The following RBFOX1 variants were observed in gnomAD, a reference collection of about 807,000 sequenced individuals.
RBFOX1 encodes RNA binding fox-1 homolog 1, also known as RNA binding protein fox-1 homolog 1.
A neutral mutation model predicts 57.7 loss-of-function variants in RBFOX1; 8 were observed. That is an observed-to-expected ratio of 0.14 (90% CI 0.08 to 0.25). RBFOX1 has a LOEUF of 0.25. Among genes scored for constraint, RBFOX1 ranks in the 10% least tolerant of loss-of-function variants. RBFOX1 has a pLI of 1.00. For missense variants in RBFOX1, 611 were observed against 548.5 expected, an observed-to-expected ratio of 1.11 and a Z score of -1.14; for synonymous variants, 326 against 222.4, an observed-to-expected ratio of 1.47 and a Z score of -4.15.
At chr16:7,646,756 A>G (rs2063815896) in intron 11 of RBFOX1, among the ~76,000 whole-genome samples, 1 of 152,222 alleles carries the variant, frequency 6.6e-6, no homozygotes, top group Non-Finnish European at 1.5e-5. Flanking sequence ...AAACTTTAAT[A>G]TGCAGTTTAT....
At chr16:7,282,395 A>C (rs904589129) in intron 4 of RBFOX1, among the ~76,000 whole-genome samples, 1 of 152,194 alleles carries the variant, frequency 6.6e-6, no homozygotes, top group African/African-American at 2.4e-5. Context: ...ACCCTGTATG[A>C]AGATATCTCA....
chr16:5,439,967 C>T (rs1410475722), intron 1 of RBFOX1, among the ~76,000 whole-genome samples: 1 of 152,122 alleles, frequency 6.6e-6, no homozygotes, highest in Admixed American at 6.5e-5. Flanking sequence ...CTTTATGCAG[C>T]TCAGGATAAA....
intron 5 of RBFOX1, among the ~76,000 whole-genome samples, chr16:7,521,043 G>A (rs2077409273): frequency 6.6e-6 from 1 of 152,166 alleles, no homozygotes; most frequent in East Asian, 1.9e-4. Context: ...ATGTCTTAAG[G>A]AAAATATGGG....
chr16:7,191,382 C>T (rs964352531), intron 4 of RBFOX1, among the ~76,000 whole-genome samples: 2 of 151,224 alleles, frequency 1.3e-5, no homozygotes, highest in African/African-American at 4.9e-5. Context: ...TTCCTGGATG[C>T]TTTACAATAC....
intron 4 of RBFOX1, among the ~76,000 whole-genome samples, chr16:7,264,876 A>G (rs10852682): frequency 0.21 from 31,899 of 152,152 alleles, 3,992 homozygotes; most frequent in African/African-American, 0.33. Flanking sequence ...ATACATGACT[A>G]TTTGAGACAT....
Position 5,324,638 on chromosome 16 carries a change from G to A in RBFOX1, c.219+84533G>A, listed in dbSNP as rs75143269. Among the ~76,000 whole-genome samples, 54 of 152,264 alleles carry A rather than the reference G, an allele frequency of 3.5e-4. No homozygotes were observed. In the East Asian group the frequency reaches 6.6e-3, roughly 18 times the overall value. ...AATGTTACGCAGCCATACAAAGAAC[G>A]AAATCATGTCCTTTGCAGGAACATA... On this transcript the variant is annotated intron_variant, in intron 1 of 2. Coordinates refer to the RBFOX1 transcript ENST00000585867.
chr16:6,827,824 C>G (rs968949988), intron 3 of RBFOX1, among the ~76,000 whole-genome samples: 2 of 152,236 alleles, frequency 1.3e-5, no homozygotes, highest in Non-Finnish European at 2.9e-5. Flanking sequence ...GCAGGAATGC[C>G]TGCCTTGAAA....
intron 3 of RBFOX1, among the ~76,000 whole-genome samples, chr16:5,649,370 A>G (rs1403147624): frequency 1.3e-5 from 2 of 152,042 alleles, no homozygotes; most frequent in African/African-American, 4.8e-5. Flanking sequence ...GGGTTTCGCC[A>G]TGTTGGCCAG....
intron 1 of RBFOX1, among the ~76,000 whole-genome samples, chr16:5,394,979 T>C (rs960481879): frequency 1.3e-5 from 2 of 152,216 alleles, no homozygotes; most frequent in African/African-American, 2.4e-5. Flanking sequence ...GGTGTTGCCC[T>C]CTGGCCTGTA....
At chr16:5,586,929 T>C (rs1442187967) in intron 2 of RBFOX1, among the ~76,000 whole-genome samples, 4 of 152,186 alleles carry the variant, frequency 2.6e-5, no homozygotes, top group Non-Finnish European at 5.9e-5. Flanking sequence ...ACTTAGCAGG[T>C]TCTTAAATGT....
rs935914538 is a variant in RBFOX1, at chr16:6,111,762, G to A, written c.-127+91770G>A. Among the ~76,000 whole-genome samples, 5 of 152,202 alleles carry A rather than the reference G, an allele frequency of 3.3e-5. 1 individual carries two copies. The highest frequency in any genetic ancestry group is 4.2e-4 in the South Asian group (2 of 4,814). On this transcript the variant is annotated intron_variant, in intron 1 of 15. Coordinates refer to ENST00000550418, the MANE Select transcript of RBFOX1 (RefSeq NM_018723.4). ...AAGGAAGACTTTTGAAAATTGTTTG[G>A]GTATAGGTAGTGGGGTCAGAAATTC...
chr16:5,481,619 C>T (rs1168752486), intron 2 of RBFOX1, among the ~76,000 whole-genome samples: 6 of 152,144 alleles, frequency 3.9e-5, no homozygotes, highest in South Asian at 2.1e-4. Context: ...AAAGAAGATA[C>T]CAAGTGCTTC....
chr16:6,088,481 C>G (rs981342381), intron 1 of RBFOX1, among the ~76,000 whole-genome samples: 2 of 151,868 alleles, frequency 1.3e-5, no homozygotes, highest in Non-Finnish European at 2.9e-5. Flanking sequence ...ACCATTCAAC[C>G]ATCCATGCAT....
At chr16:6,977,543 G>A (rs74010413) in intron 3 of RBFOX1, among the ~76,000 whole-genome samples, 2 of 151,952 alleles carry the variant, frequency 1.3e-5, no homozygotes, top group Non-Finnish European at 2.9e-5. Context: ...ACTGTAGTTC[G>A]AAGACCTCTG....
chr16:7,024,805 C>A (rs188455996), intron 3 of RBFOX1, among the ~76,000 whole-genome samples: 4 of 152,112 alleles, frequency 2.6e-5, no homozygotes, highest in Non-Finnish European at 4.4e-5. Context: ...CCCTCTGGAC[C>A]CTGTTGGATG....
chr16:5,592,000 T>G (rs538144403), intron 2 of RBFOX1, among the ~76,000 whole-genome samples: 1 of 152,376 alleles, frequency 6.6e-6, no homozygotes, highest in South Asian at 2.1e-4. Flanking sequence ...CCATGCTTTA[T>G]TCAAATTTCT....
At chr16:7,030,644 C>G (rs1031551271) in intron 3 of RBFOX1, among the ~76,000 whole-genome samples, 1 of 152,144 alleles carries the variant, frequency 6.6e-6, no homozygotes, top group African/African-American at 2.4e-5. Flanking sequence ...CTCTAATCTA[C>G]TATGATTTTC....
In RBFOX1 at chr16:6,808,158, A is replaced by ATGTG. The variant is rs1434357255; in HGVS notation, c.-16+153509_-16+153510insGTGT. Among the ~76,000 whole-genome samples, 6 of 104,582 alleles carry ATGTG rather than the reference A, an allele frequency of 5.7e-5. No individual in the cohort carries two copies. In the South Asian group the frequency reaches 7.7e-4, roughly 13 times the overall value. The allele number at this position is 104,582 out of a possible 152,430, so 68.6% of individuals were successfully genotyped here. A position where few individuals can be genotyped will look rare whatever the true frequency, so the allele number is the denominator to read the frequency against. On this transcript the variant is annotated intron_variant, in intron 3 of 15. Transcript: ENST00000550418. Reference sequence around the variant, plus strand: ...ATATAATATGCATATTATACCTTATATATGTGTGTGTGTGTGTGTGTATAT... The same window carrying ATGTG: ...ATATAATATGCATATTATACCTTATATGTGTATGTGTGTGTGTGTGTGTGTATAT...
intron 4 of RBFOX1, among the ~76,000 whole-genome samples, chr16:7,499,827 C>G (rs979565321): frequency 4.0e-5 from 6 of 151,848 alleles, no homozygotes; most frequent in Admixed American, 1.3e-4. Flanking sequence ...AGACAATTAA[C>G]TACAATATCC....
Sources: gnomAD v4.1 joint callset for allele counts (sites outside exome capture counted in the v4.1 genomes callset) on GRCh38, gnomAD v4.1.1 for gene constraint, MANE v1.5 for transcripts, NCBI Gene and HGNC (gene_info 2026-07-23, HGNC 2026-07-21) for gene names.